The following INSC variants were observed in gnomAD, a reference collection of about 807,000 sequenced individuals.
INSC encodes protein inscuteable homolog.
INSC carries 67 observed loss-of-function variants against 58.6 expected under a neutral mutation model. The observed-to-expected ratio is 1.14, with a 90% CI of 0.94 to 1.40. The LOEUF is 1.40. Among genes scored for constraint, INSC ranks in the 40% most tolerant of loss-of-function variants. The probability of loss-of-function intolerance (pLI) is 0.00; values close to 1 mark genes in which losing one functional copy is unlikely to be tolerated. For synonymous variants in INSC, 262 were observed against 276.1 expected (o/e 0.95, Z 0.51); for missense variants, 714 against 692.0 (o/e 1.03, Z -0.36).
chr11:15,198,543 G>A (rs1378704894), intron 6 of INSC, among the ~76,000 whole-genome samples: 3 of 152,082 alleles, frequency 2.0e-5, no homozygotes, highest in Non-Finnish European at 4.4e-5. Flanking sequence ...TTCATTGTCT[G>A]CTTCAGATGT....
At chr11:15,155,302 C>T (rs1402194854) in intron 2 of INSC, among the ~76,000 whole-genome samples, 1 of 152,162 alleles carries the variant, frequency 6.6e-6, no homozygotes, top group Non-Finnish European at 1.5e-5. Context: ...AACTTGAGGG[C>T]ATCCTTTAAA....
chr11:15,210,746 C>T (rs1249214451), intron 7 of INSC, among the ~76,000 whole-genome samples: 2 of 152,058 alleles, frequency 1.3e-5, no homozygotes, highest in Admixed American at 6.6e-5. Flanking sequence ...GTGGCACTCT[C>T]AGCCACCCCT....
intron 2 of INSC, among the ~76,000 whole-genome samples, chr11:15,174,359 T>C (rs1590398488): frequency 6.6e-6 from 1 of 152,242 alleles, no homozygotes; most frequent in South Asian, 2.1e-4. Flanking sequence ...CTAGTCTTTT[T>C]TTCTGTTCTC....
chr11:15,189,579 G>A (rs903997647), intron 5 of INSC, among the ~76,000 whole-genome samples: 2 of 152,108 alleles, frequency 1.3e-5, no homozygotes, highest in Admixed American at 1.3e-4. Context: ...GCAAAGAAAG[G>A]CTAAGGTGCT....
At chr11:15,112,811 T>C (rs1847600393), upstream of INSC, among the ~76,000 whole-genome samples, 1 of 152,184 alleles carries the variant, frequency 6.6e-6, no homozygotes, top group Admixed American at 6.5e-5. Context: ...CCTCATTCTA[T>C]TTCTAGCATA....
At chr11:15,182,199 T>A (rs535846156) in intron 5 of INSC, among the ~76,000 whole-genome samples, 43 of 152,290 alleles carry the variant, frequency 2.8e-4, no homozygotes, top group African/African-American at 9.1e-4. Context: ...AATAAGCTGA[T>A]CCTCAATGCC....
At chr11:15,164,854 G>T (rs1849141225) in intron 2 of INSC, among the ~76,000 whole-genome samples, 1 of 152,132 alleles carries the variant, frequency 6.6e-6, no homozygotes, top group Admixed American at 6.5e-5. Flanking sequence ...CTGTTCTCAT[G>T]GTAGTGAATA....
upstream of INSC, among the ~76,000 whole-genome samples, chr11:15,114,632 C>A (rs1294312087): frequency 6.6e-6 from 1 of 152,182 alleles, no homozygotes; most frequent in Non-Finnish European, 1.5e-5. Flanking sequence ...CCGCCTGGCC[C>A]GGGGGAGCCC....
At chr11:15,220,931 A>G (rs1851412790) in intron 7 of INSC, among the ~76,000 whole-genome samples, 1 of 152,202 alleles carries the variant, frequency 6.6e-6, no homozygotes, top group South Asian at 2.1e-4. Context: ...GGAAGGAAAT[A>G]CTAAGCTCAT....
chr11:15,207,756 AAAAT>A lies in INSC; in HGVS notation c.819+6815_819+6818del, dbSNP rs1328494527. Among the ~76,000 whole-genome samples the A allele has an allele frequency of 2.6e-5, 4 of 152,218 alleles. No homozygotes were observed. The East Asian group carries it at 7.7e-4, about 29-fold the overall frequency. The stretch of plus-strand genomic sequence containing the variant: ...GGTCATAAATAGTTAATTTTTGCAA[AAAAT>A]AAATAAAAAATTCAAACAAGCAAAA... On this transcript the variant is annotated intron_variant, in intron 7 of 12. Coordinates refer to ENST00000379556, the MANE Select transcript of INSC (RefSeq NM_001042536.3).
chr11:15,116,877 C>T lies in INSC; in HGVS notation c.-46+1874C>T, dbSNP rs1308510469. ...TCTCTCTCTCTCTCTCTCTCTCTCTCCCCCTCCCTCCCTCCCTCCCTCCCT... is the reference window on the plus strand; with the variant it reads ...TCTCTCTCTCTCTCTCTCTCTCTCTTCCCCTCCCTCCCTCCCTCCCTCCCT... On this transcript the variant is annotated intron_variant, in intron 1 of 12. Transcript: ENST00000379556. Among the ~76,000 whole-genome samples, 8 of 25,042 alleles carry T rather than the reference C, an allele frequency of 3.2e-4. 1 individual carries two copies. The highest frequency in any genetic ancestry group is 1.4e-3 in the African/African-American group (8 of 5,574). 16.4% of individuals were successfully genotyped at this position (25,042 alleles called of 152,430 possible).
intron 1 of INSC, among the ~76,000 whole-genome samples, chr11:15,128,617 G>A (rs967422610): frequency 1.3e-5 from 2 of 152,206 alleles, no homozygotes; most frequent in Non-Finnish European, 2.9e-5. Flanking sequence ...GGCATCATAA[G>A]GACTGCATGG....
intron 2 of INSC, among the ~76,000 whole-genome samples, chr11:15,164,175 T>C (rs1849115727): frequency 1.3e-5 from 2 of 152,200 alleles, no homozygotes; most frequent in African/African-American, 4.8e-5. Context: ...TGTAGAGATA[T>C]TATTCTGCTC....
chr11:15,112,291 G>A, upstream of INSC: 1 of 482,404 alleles, frequency 2.1e-6, no homozygotes, highest in East Asian at 3.3e-5. Context: ...TCGAGGGGGA[G>A]GAAGCTTCAA....
chr11:15,262,723 T>C, the INSC span, among the ~76,000 whole-genome samples: 1 of 151,444 alleles, frequency 6.6e-6, no homozygotes, highest in Non-Finnish European at 1.5e-5. Context: ...TTGATTAAAG[T>C]GGTTCTTTAA....
At chr11:15,258,658 C>T in the INSC span, among the ~76,000 whole-genome samples, 12 of 152,168 alleles carry the variant, frequency 7.9e-5, no homozygotes, top group African/African-American at 2.9e-4. Flanking sequence ...CTGCTGGACC[C>T]TTTGAATACT....
chr11:15,212,805 T>A (rs887968563), intron 7 of INSC, among the ~76,000 whole-genome samples: 2 of 152,220 alleles, frequency 1.3e-5, no homozygotes, highest in Non-Finnish European at 2.9e-5. Flanking sequence ...TTGCCTCTAC[T>A]TTTTCAATCC....
chr11:15,202,910 C>A (rs970310852), intron 7 of INSC, among the ~76,000 whole-genome samples: 2 of 152,246 alleles, frequency 1.3e-5, no homozygotes, highest in Non-Finnish European at 2.9e-5. Context: ...GCAGTATAGA[C>A]GGCCCAGGCC....
intron 5 of INSC, among the ~76,000 whole-genome samples, chr11:15,184,677 A>C (rs1590414758): frequency 6.6e-6 from 1 of 152,328 alleles, no homozygotes; most frequent in East Asian, 1.9e-4. Flanking sequence ...TACAGGCATG[A>C]GCCGCCACAT....
Sources: allele counts gnomAD v4.1 joint callset (sites outside exome capture counted in the v4.1 genomes callset), GRCh38; gene constraint gnomAD v4.1.1; transcripts MANE v1.5; gene names NCBI Gene and HGNC (gene_info 2026-07-23, HGNC 2026-07-21).